Variants in CNTNAP2 observed in about 807,000 individuals in gnomAD.
CNTNAP2 encodes the protein contactin associated protein 2, also known as contactin-associated protein-like 2.
In CNTNAP2, 98 loss-of-function variants were observed where a neutral mutation model predicts 155.2. The ratio of observed to expected loss-of-function variants is 0.63; its 90% CI spans 0.54 to 0.75. The LOEUF (loss-of-function observed/expected upper bound fraction) is 0.75. Ranked by LOEUF, CNTNAP2 falls within the 30% of genes least tolerant of loss-of-function variation. CNTNAP2 has a pLI of 0.00. For missense variants in CNTNAP2, 1,727 were observed against 1,688.1 expected (o/e 1.02, Z -0.40); for synonymous variants, 651 against 631.2 (o/e 1.03, Z -0.47).
At chr7:147,971,527 A>G (rs1801334773) in intron 14 of CNTNAP2, among the ~76,000 whole-genome samples, 1 of 152,080 alleles carries the variant, frequency 6.6e-6, no homozygotes, top group Non-Finnish European at 1.5e-5. Context: ...TTCCTTTTTC[A>G]TATCAGTAAA....
intron 3 of CNTNAP2, among the ~76,000 whole-genome samples, chr7:146,959,227 C>A (rs1438481559): frequency 1.3e-5 from 2 of 151,936 alleles, no homozygotes; most frequent in African/African-American, 4.8e-5. Context: ...ACCATATTGG[C>A]CAGGCTGGTT....
chr7:146,610,649 C>A (rs1799121650), intron 1 of CNTNAP2, among the ~76,000 whole-genome samples: 1 of 152,094 alleles, frequency 6.6e-6, no homozygotes, highest in African/African-American at 2.4e-5. Context: ...CTTAATAGCT[C>A]CTCCTCTAAT....
intron 2 of CNTNAP2, among the ~76,000 whole-genome samples, chr7:146,834,386 T>C (rs1292426658): frequency 6.6e-6 from 1 of 152,168 alleles, no homozygotes; most frequent in Non-Finnish European, 1.5e-5. Context: ...ACAAACACTG[T>C]ATATCTTTAC....
At chr7:146,769,008 T>A (rs1401081560) in intron 1 of CNTNAP2, among the ~76,000 whole-genome samples, 2 of 152,238 alleles carry the variant, frequency 1.3e-5, no homozygotes, top group African/African-American at 4.8e-5. Context: ...GGGCAACAGC[T>A]ATTTCATGTC....
At chr7:146,475,013 G>A (rs201618249) in intron 1 of CNTNAP2, among the ~76,000 whole-genome samples, 15,428 of 144,214 alleles carry the variant, frequency 0.11, 1,808 homozygotes, top group African/African-American at 0.31. Context: ...GCGCGCGCGC[G>A]CACACACACA....
chr7:146,578,745 C>T (rs1029004361), intron 1 of CNTNAP2, among the ~76,000 whole-genome samples: 28 of 152,104 alleles, frequency 1.8e-4, no homozygotes, highest in African/African-American at 6.8e-4. Context: ...AAGTTCTAAG[C>T]TCCAGGATAT....
Position 148,077,658 on chromosome 7 carries a change from C to T in CNTNAP2, c.2384-40460C>T, listed in dbSNP as rs541699661. 5.3e-5 allele frequency among the ~76,000 whole-genome samples: 8 copies of T among 152,214 alleles called. No homozygotes were observed. In the East Asian group the frequency reaches 1.5e-3, roughly 29 times the overall value. ...TTTTTCGGATATAAAACTATACACT[C>T]AAGACTAAATGGAGGCAGTACAATT... On this transcript the variant is annotated intron_variant, in intron 15 of 23. Coordinates refer to ENST00000361727, the MANE Select transcript of CNTNAP2 (RefSeq NM_014141.6).
chr7:146,421,481 A>T (rs1796011436), intron 1 of CNTNAP2, among the ~76,000 whole-genome samples: 1 of 152,012 alleles, frequency 6.6e-6, no homozygotes. Context: ...TTTCAAATTA[A>T]AATTGAGTTT....
At chr7:148,339,506 C>G (rs942080192) in intron 21 of CNTNAP2, 1 of 152,132 alleles carries the variant, frequency 6.6e-6, no homozygotes, top group African/African-American at 2.4e-5. Context: ...CAAAGCTGCC[C>G]GCCGGGACTC....
intron 15 of CNTNAP2, among the ~76,000 whole-genome samples, chr7:148,022,434 C>A (rs10264988): frequency 0.16 from 23,218 of 148,782 alleles, 3,315 homozygotes; most frequent in African/African-American, 0.38. Context: ...GTGCCACTGC[C>A]CTCCAGCCTG....
At chr7:147,028,569 G>A (rs1443952834) in intron 3 of CNTNAP2, among the ~76,000 whole-genome samples, 3 of 152,162 alleles carry the variant, frequency 2.0e-5, no homozygotes, top group Non-Finnish European at 2.9e-5. Context: ...TAAACAGCCC[G>A]AGTAGGATTT....
rs972774912 is a variant in CNTNAP2, at chr7:148,343,383, A to G, written c.3476-40266A>G. On this transcript the variant is annotated intron_variant, in intron 21 of 23. Coordinates refer to ENST00000361727, the MANE Select transcript of CNTNAP2 (RefSeq NM_014141.6). ...GACTAGGTCGTCTCAGCATTTGTCAATGTATTTTATTTATGTTTCGACGTC... is the reference window on the plus strand; with the variant it reads ...GACTAGGTCGTCTCAGCATTTGTCAGTGTATTTTATTTATGTTTCGACGTC... 5.3e-5 allele frequency among the ~76,000 whole-genome samples: 8 copies of G among 152,158 alleles called. No homozygotes were observed. In the South Asian group the frequency reaches 8.3e-4, roughly 16 times the overall value.
At chr7:148,030,630 A>C (rs1439143618) in intron 15 of CNTNAP2, among the ~76,000 whole-genome samples, 1 of 151,852 alleles carries the variant, frequency 6.6e-6, no homozygotes, top group Non-Finnish European at 1.5e-5. Context: ...AGAGTTACAA[A>C]AAACATGATT....
At chr7:147,127,787 A>G (rs144792591) in intron 6 of CNTNAP2, among the ~76,000 whole-genome samples, 1,584 of 152,282 alleles carry the variant, frequency 0.01, 17 homozygotes, top group Middle Eastern at 0.024. Flanking sequence ...AGTAAAAAAA[A>G]TAGATAATGG....
chr7:147,592,935 C>T (rs923188719), intron 12 of CNTNAP2, among the ~76,000 whole-genome samples: 3 of 152,174 alleles, frequency 2.0e-5, no homozygotes, highest in Non-Finnish European at 2.9e-5. Flanking sequence ...GACAGTCCTC[C>T]CCACTGCTCA....
chr7:146,280,222 A>G (rs762217070), intron 1 of CNTNAP2, among the ~76,000 whole-genome samples: 2 of 152,214 alleles, frequency 1.3e-5, no homozygotes, highest in Admixed American at 6.5e-5. Flanking sequence ...TGACATATGC[A>G]AAAAACAATA....
chr7:147,238,033 G>T (rs1264253884), intron 8 of CNTNAP2, among the ~76,000 whole-genome samples: 1 of 152,064 alleles, frequency 6.6e-6, no homozygotes. Context: ...TTATTTTTTT[G>T]AGACGGAGTC....
intron 13 of CNTNAP2, among the ~76,000 whole-genome samples, chr7:147,725,727 C>G (rs1417707532): frequency 6.6e-6 from 1 of 152,102 alleles, no homozygotes; most frequent in Non-Finnish European, 1.5e-5. Context: ...TCCGAGGTTT[C>G]CATTGAACCA....
At chr7:147,335,900 CATATT>C (rs1395694815) in intron 9 of CNTNAP2, among the ~76,000 whole-genome samples, 1 of 151,996 alleles carries the variant, frequency 6.6e-6, no homozygotes. Context: ...GCAGCTGTAT[CATATT>C]ATACTAATCA....
Sources: allele counts gnomAD v4.1 joint callset (sites outside exome capture counted in the v4.1 genomes callset), GRCh38; gene constraint gnomAD v4.1.1; transcripts MANE v1.5; gene names NCBI Gene and HGNC (gene_info 2026-07-23, HGNC 2026-07-21).